The following DENND4C variants were observed in gnomAD, a reference collection of about 807,000 sequenced individuals.
The protein encoded by DENND4C is DENN domain containing 4C, also known as DENN domain-containing protein 4C.
Under a neutral mutation model 203.0 loss-of-function variants are expected in DENND4C, and 108 were observed. That is an observed-to-expected ratio of 0.53 (90% CI 0.46 to 0.62). DENND4C has a LOEUF of 0.62. DENND4C is among the 20% of genes least tolerant of loss of function. The probability of loss-of-function intolerance (pLI) is 0.00; values close to 1 mark genes in which losing one functional copy is unlikely to be tolerated. For synonymous variants in DENND4C, 871 were observed against 792.4 expected, an observed-to-expected ratio of 1.10 and a Z score of -1.67; for missense variants, 2,481 against 2,301.2, an observed-to-expected ratio of 1.08 and a Z score of -1.60.
At chr9:19,365,135 A>G (rs1445051742) in intron 30 of DENND4C, among the ~76,000 whole-genome samples, 2 of 152,216 alleles carry the variant, frequency 1.3e-5, no homozygotes, top group African/African-American at 4.8e-5. Context: ...ATTTAGTAAT[A>G]TAGACATAAA....
intron 1 of DENND4C, among the ~76,000 whole-genome samples, chr9:19,271,312 G>A (rs901214076): frequency 1.3e-5 from 2 of 149,638 alleles, no homozygotes; most frequent in Non-Finnish European, 2.9e-5. Flanking sequence ...TGATTCTCAT[G>A]CCTCAGCGTC....
chr9:19,247,120 T>A (rs1276334645), intron 1 of DENND4C, among the ~76,000 whole-genome samples: 1 of 152,226 alleles, frequency 6.6e-6, no homozygotes, highest in East Asian at 1.9e-4. Context: ...AAAACTTTAC[T>A]TGGTTTTCTG....
chr9:19,341,096 A>C lies in DENND4C; in HGVS notation c.2986A>C (p.Thr996Pro). ...GGCAGCAAGAGAATTGATAACTAAAACAAAAATGCAAACAGAAGGTTAAGT... is the reference window on the plus strand; with the variant it reads ...GGCAGCAAGAGAATTGATAACTAAACCAAAAATGCAAACAGAAGGTTAAGT... ...EQAARELITK[T>P]KMQTEEVCDA... The change falls in exon 21 of 33, where the codon ACA becomes CCA. Residue 996 changes from threonine to proline, a missense_variant. Transcript: ENST00000434457. 1 of 1,611,456 alleles carries C rather than the reference A, an allele frequency of 6.2e-7. No homozygotes were observed. Among genetic ancestry groups the C allele is most frequent in the Non-Finnish European group, 8.5e-7 (1 of 1,179,030 alleles).
At chr9:19,282,715 C>CTTTTTTTTTTTT (rs1554717864) in intron 2 of DENND4C, among the ~76,000 whole-genome samples, 7 of 86,662 alleles carry the variant, frequency 8.1e-5, no homozygotes, top group African/African-American at 3.1e-4. Context: ...TTTCTTCTCT[C>CTTTTTTTTTTTT]TTTTTTTTTT....
At chr9:19,272,595 A>C (rs1471599472) in intron 1 of DENND4C, among the ~76,000 whole-genome samples, 1 of 151,974 alleles carries the variant, frequency 6.6e-6, no homozygotes, top group Non-Finnish European at 1.5e-5. Flanking sequence ...GAAAAATGGG[A>C]TATCCATATG....
At chr9:19,269,954 C>G (rs1043800184) in intron 1 of DENND4C, among the ~76,000 whole-genome samples, 2 of 152,128 alleles carry the variant, frequency 1.3e-5, no homozygotes, top group African/African-American at 2.4e-5. Context: ...AGTCCTTGGT[C>G]TCTATAGCCG....
intron 1 of DENND4C, among the ~76,000 whole-genome samples, chr9:19,246,300 C>A (rs1030155992): frequency 6.6e-6 from 1 of 152,108 alleles, no homozygotes; most frequent in Admixed American, 6.6e-5. Context: ...TACGCTAGCT[C>A]GTCTCACTTT....
At chr9:19,363,480 C>A (rs367617620) in intron 30 of DENND4C, among the ~76,000 whole-genome samples, 1 of 151,322 alleles carries the variant, frequency 6.6e-6, no homozygotes. Flanking sequence ...CCAGCCTGGG[C>A]GACAGAGTGA....
chr9:19,370,049 C>G (rs1383104806), intron 31 of DENND4C, 62 bp downstream of exon 31: 1 of 1,574,448 alleles, frequency 6.4e-7, no homozygotes, highest in South Asian at 1.1e-5. Context: ...AAAAAAATAT[C>G]TTACTTTTAA....
intron 1 of DENND4C, among the ~76,000 whole-genome samples, chr9:19,266,870 A>G (rs927764975): frequency 3.3e-5 from 5 of 152,244 alleles, no homozygotes; most frequent in Admixed American, 1.3e-4. Context: ...AAACCATGAA[A>G]ACCCTAGAAG....
chr9:19,265,910 A>G (rs139870525), intron 1 of DENND4C, among the ~76,000 whole-genome samples: 108 of 152,288 alleles, frequency 7.1e-4, no homozygotes, highest in African/African-American at 2.1e-3. Context: ...GCCACAGTAA[A>G]CATATGTGTG....
Position 19,324,391 on chromosome 9 carries a change from G to A in DENND4C, c.1837G>A (p.Ala613Thr), listed in dbSNP as rs764605775. ...GFLKSRDRAY[A>T]KFYTLLSKTQ... is the part of the protein sequence containing the mutation. ...TTTAAAAAGTCGAGATCGTGCCTAT[G>A]CAAAATTCTATACCCTTTTATCCAA... Residue 613 changes from alanine (A) to threonine (T), a missense_variant, in exon 13 of 33, where the codon GCA (alanine) becomes ACA (threonine). Ala to Thr is a moderately conservative substitution (Grantham distance 58). Around this residue, in one of 3 missense-constraint regions of DENND4C, gnomAD observed 2,289 missense variants for 2,113.3 expected, o/e 1.08. Transcript: ENST00000434457. 1 of 1,606,626 alleles carries A rather than the reference G, an allele frequency of 6.2e-7. No homozygotes were observed. Among genetic ancestry groups the A allele is most frequent in the Non-Finnish European group, 8.5e-7 (1 of 1,178,150 alleles).
intron 30 of DENND4C, among the ~76,000 whole-genome samples, chr9:19,363,782 A>G (rs1024469869): frequency 1.3e-5 from 2 of 152,038 alleles, no homozygotes; most frequent in African/African-American, 4.8e-5. Context: ...AGATCGAGGC[A>G]GGTGGATCAC....
rs59616787 is a variant in DENND4C at position 19,306,745 on chromosome 9, G to GTATTTATTTATT, written c.1487+1256_1487+1267dup. Among the ~76,000 whole-genome samples the GTATTTATTTATT allele has an allele frequency of 6.2e-4, 88 of 142,318 alleles. 1 individual carries two copies. Among genetic ancestry groups the GTATTTATTTATT allele is most frequent in the Non-Finnish European group, 7.3e-4 (48 of 65,586 alleles). 93.4% of individuals were successfully genotyped at this position (142,318 alleles called of 152,430 possible). On this transcript the variant is annotated intron_variant, in intron 10 of 32. Coordinates refer to ENST00000434457, the MANE Select transcript of DENND4C (RefSeq NM_001330640.2). ...ATAAATGTGAAGTGTTTGCACAATTGTATTTATTTATTTATTTATTTATTT... is the reference window on the plus strand; with the variant it reads ...ATAAATGTGAAGTGTTTGCACAATTGTATTTATTTATTTATTTATTTATTTATTTATTTATTT...
At chr9:19,337,616 G>A (rs754550117) in intron 20 of DENND4C, 36 of 1,283,488 alleles carry the variant, frequency 2.8e-5, no homozygotes, top group African/African-American at 4.6e-5. Context: ...CTTATATGAC[G>A]TGAAGCTATG....
intron 16 of DENND4C, among the ~76,000 whole-genome samples, chr9:19,330,186 T>C (rs1355496877): frequency 6.6e-6 from 1 of 151,796 alleles, no homozygotes; most frequent in African/African-American, 2.4e-5. Flanking sequence ...AGCCTCTAAA[T>C]CTCATTTATA....
intron 16 of DENND4C, among the ~76,000 whole-genome samples, chr9:19,329,731 G>C (rs1389094215): frequency 6.6e-6 from 1 of 152,004 alleles, no homozygotes; most frequent in Admixed American, 6.6e-5. Context: ...TGTCTTTTTG[G>C]TTATAACCAT....
chr9:19,238,185 C>T (rs989823385), intron 1 of DENND4C, among the ~76,000 whole-genome samples: 3 of 151,288 alleles, frequency 2.0e-5, no homozygotes, highest in South Asian at 4.2e-4. Context: ...TGGATTCAAG[C>T]GATTCTCCTG....
intron 2 of DENND4C, among the ~76,000 whole-genome samples, chr9:19,277,128 A>G (rs185199197): frequency 6.6e-6 from 1 of 152,196 alleles, no homozygotes; most frequent in Admixed American, 6.5e-5. Flanking sequence ...CATGTGATGT[A>G]TTGGGGTGTT....
Sources: allele counts gnomAD v4.1 joint callset (sites outside exome capture counted in the v4.1 genomes callset), GRCh38; gene constraint gnomAD v4.1.1; regional missense constraint gnomAD v4.1.1; transcripts MANE v1.5; gene names NCBI Gene and HGNC (gene_info 2026-07-23, HGNC 2026-07-21).